The following FCRLB variants were observed in gnomAD, a reference collection of about 807,000 sequenced individuals.
FCRLB encodes Fc receptor-like B.
A neutral mutation model predicts 33.6 loss-of-function variants in FCRLB; 34 were observed. The observed-to-expected ratio is 1.01, with a 90% CI of 0.77 to 1.35. FCRLB has a LOEUF of 1.35. Among genes scored for constraint, FCRLB ranks in the 40% most tolerant of loss-of-function variants. FCRLB has a pLI of 0.00. For synonymous variants in FCRLB, 280 were observed against 255.9 expected (o/e 1.09, Z -0.90); for missense variants, 560 against 580.2 (o/e 0.97, Z 0.36).
At position 161,726,869 on chromosome 1, in the gene FCRLB, C is replaced by T. The variant is rs759599669; in HGVS notation, c.741C>T (p.Asp247=). 1.2e-5 allele frequency: 19 copies of T among 1,581,094 alleles called. No individual in the cohort carries two copies. Among genetic ancestry groups the T allele is most frequent in the Middle Eastern group, 3.9e-4 (2 of 5,186 alleles). ...ACAGCCGCGCGGTGCGCCGCTTCGA[C>T]TGGGGCGCCGAGTACACAGTCCCGG... The change falls in exon 7 of 8, where the codon GAC becomes GAT. Residue 247 remains aspartate, a synonymous_variant. Coordinates refer to ENST00000367948, the Ensembl canonical transcript of FCRLB. The surrounding 1 kb of genome is among the most constrained non-coding windows in gnomAD (Gnocchi z 5.2).
At chr1:161,725,091 G>A (rs1264318524) in intron 5 of FCRLB, among the ~76,000 whole-genome samples, 1 of 152,168 alleles carries the variant, frequency 6.6e-6, no homozygotes, top group African/African-American at 2.4e-5. Context: ...AGAGGAAATG[G>A]GGCAGGAATG....
rs1683570926 is a variant in FCRLB, at chr1:161,726,553, G to A, written c.575-150G>A. On this transcript the variant is annotated intron_variant, in intron 6 of 7. Transcript: ENST00000367948. The surrounding 1 kb of genome is among the most constrained non-coding windows in gnomAD (Gnocchi z 5.2). ...GGTCCCCCTGCCCCACATTTCAGAAGGCTCCCCTTCCCCCTCCACGTGGAC... is the reference window on the plus strand; with the variant it reads ...GGTCCCCCTGCCCCACATTTCAGAAAGCTCCCCTTCCCCCTCCACGTGGAC... 3 of 1,128,264 alleles carry A rather than the reference G, an allele frequency of 2.7e-6. No individual in the cohort carries two copies. The highest frequency in any genetic ancestry group is 1.5e-5 in the African/African-American group (1 of 64,936). 69.9% of individuals were successfully genotyped at this position (1,128,264 alleles called of 1,614,324 possible). A position where few individuals can be genotyped will look rare whatever the true frequency, so the allele number is the denominator to read the frequency against.
chr1:161,726,823 T>G lies in FCRLB; in HGVS notation c.695T>G (p.Leu232Arg). 6.4e-7 allele frequency: 1 copy of G among 1,570,066 alleles called. No homozygotes were observed. Among genetic ancestry groups the G allele is most frequent in the Non-Finnish European group, 8.6e-7 (1 of 1,158,036 alleles). Residue 232 changes from leucine (L) to arginine (R), a missense_variant, in exon 7 of 8, where the codon CTG (leucine) becomes CGG (arginine). By Grantham distance (102) the Leu-to-Arg change is moderately radical. Transcript: ENST00000367948. The surrounding 1 kb of genome is among the most constrained non-coding windows in gnomAD (Gnocchi z 5.2). The stretch of plus-strand genomic sequence containing the variant: ...CACCCGCAGAAGCGCGACACGCCGC[T>G]GCAGTTCGCGTTTTACAAGTACAGC...
In FCRLB at chr1:161,726,386, G is replaced by A; in HGVS notation, c.574+299G>A. The A allele has an allele frequency of 1.4e-6, 1 of 721,162 alleles. No homozygotes were observed. The highest frequency in any genetic ancestry group is 2.5e-6 in the Non-Finnish European group (1 of 404,388). The allele number at this position is 721,162 out of a possible 1,614,324, so 44.7% of individuals were successfully genotyped here. On this transcript the variant is annotated intron_variant, in intron 6 of 7. Transcript: ENST00000367948. This position sits in a 1 kb window ranked among gnomAD's most constrained non-coding sequence, Gnocchi z 5.2. ...CACTGTGGGACTGGGACGAAGGAGC[G>A]ACTCCCTAGCGTCCTGCAAGGCAGG...
At chr1:161,724,045 G>A (rs1683462182) in intron 5 of FCRLB, among the ~76,000 whole-genome samples, 1 of 152,152 alleles carries the variant, frequency 6.6e-6, no homozygotes. Flanking sequence ...ACAGTGTGAT[G>A]CTTCTCTGTG....
chr1:161,722,938 C>T lies in FCRLB; in HGVS notation c.32-51C>T, dbSNP rs761422147. On this transcript the variant is annotated intron_variant, in intron 3 of 7. Coordinates refer to ENST00000367948, the Ensembl canonical transcript of FCRLB. Reference sequence around the variant, plus strand: ...TTGTCGTCAAGAGTCTCTCTCCTCTCATCGCCAATATTCTCCTTCTCCTTC... The same window carrying T: ...TTGTCGTCAAGAGTCTCTCTCCTCTTATCGCCAATATTCTCCTTCTCCTTC... The T allele has an allele frequency of 3.1e-6, 5 of 1,610,984 alleles. No individual in the cohort carries two copies. In the South Asian group the frequency reaches 5.5e-5, roughly 18 times the overall value.
At chr1:161,727,573 C>A in exon 8 of FCRLB, 1 of 1,614,132 alleles carries the variant, frequency 6.2e-7, no homozygotes, top group Non-Finnish European at 8.5e-7. Context: ...GCCACAGGCC[C>A]TCCGGGAGCT....
Position 161,726,938 on chromosome 1 carries a change from T to A in FCRLB, c.810T>A (p.Ala270=). Reference sequence around the variant, plus strand: ...TCGAATCGTACTGGTGCGAGGCGGCTACCGCCACCCGCAGTGTCCGGAAAC... The same window carrying A: ...TCGAATCGTACTGGTGCGAGGCGGCAACCGCCACCCGCAGTGTCCGGAAAC... Residue 270 remains alanine (A), a synonymous_variant, in exon 7 of 8, where the codon GCT becomes GCA. Transcript: ENST00000367948. This position sits in a 1 kb window ranked among gnomAD's most constrained non-coding sequence, Gnocchi z 5.2. 1.7e-5 allele frequency: 27 copies of A among 1,557,772 alleles called. No individual in the cohort carries two copies. Among genetic ancestry groups the A allele is most frequent in the Non-Finnish European group, 2.3e-5 (27 of 1,150,496 alleles).
chr1:161,727,335 GC>G lies in FCRLB; in HGVS notation c.959del (p.Pro320ArgfsTer48). The G allele has an allele frequency of 6.2e-7, 1 of 1,613,726 alleles. No individual in the cohort carries two copies. Among genetic ancestry groups the G allele is most frequent in the Non-Finnish European group, 8.5e-7 (1 of 1,179,808 alleles). Reference sequence around the variant, plus strand: ...GTAATAGGCCGCTTTCCTTCAGAAAGCCCCCGGTGTCCAGATCGGTCCCGTT... The same window carrying G: ...GTAATAGGCCGCTTTCCTTCAGAAAGCCCCGGTGTCCAGATCGGTCCCGTT... On this transcript the variant is annotated frameshift_variant, in exon 8 of 8. Coordinates refer to ENST00000367948, the Ensembl canonical transcript of FCRLB. LOFTEE classifies it low-confidence loss of function (END_TRUNC).
rs1256808105 is a variant in FCRLB, at chr1:161,723,631, C to T, written c.307+10C>T. 4 of 1,611,836 alleles carry T rather than the reference C, an allele frequency of 2.5e-6. No individual in the cohort carries two copies. The highest frequency in any genetic ancestry group is 3.4e-6 in the Non-Finnish European group (4 of 1,178,412). ...CTCTCTGTATCCAATGGTGAGTGGA[C>T]TGAGCACGAGGGGAGGGGGAGCACG... is the stretch of plus-strand genomic sequence containing the variant. On this transcript the variant is annotated intron_variant, in intron 5 of 7. Transcript: ENST00000367948.
In FCRLB at chr1:161,726,576, G is replaced by T. The variant is rs1343401504; in HGVS notation, c.575-127G>T. 1 of 1,318,138 alleles carries T rather than the reference G, an allele frequency of 7.6e-7. No individual in the cohort carries two copies. The highest frequency in any genetic ancestry group is 1.5e-5 in the African/African-American group (1 of 68,716). The allele number at this position is 1,318,138 out of a possible 1,614,324, so 81.7% of individuals were successfully genotyped here. A position where few individuals can be genotyped will look rare whatever the true frequency, so the allele number is the denominator to read the frequency against. ...AAGGCTCCCCTTCCCCCTCCACGTG[G>T]ACACACGGCCTCCTCCCCTCCCCCC... On this transcript the variant is annotated intron_variant, in intron 6 of 7. Coordinates refer to ENST00000367948, the Ensembl canonical transcript of FCRLB. The surrounding 1 kb of genome is among the most constrained non-coding windows in gnomAD (Gnocchi z 5.2).
At position 161,726,857 on chromosome 1, in the gene FCRLB, G is replaced by A. The variant is rs745572241; in HGVS notation, c.729G>A (p.Val243=). The A allele has an allele frequency of 1.3e-6, 2 of 1,575,928 alleles. No homozygotes were observed. Among genetic ancestry groups the A allele is most frequent in the Non-Finnish European group, 1.7e-6 (2 of 1,160,796 alleles). ...CGTTTTACAAGTACAGCCGCGCGGTGCGCCGCTTCGACTGGGGCGCCGAGT... is the reference window on the plus strand; with the variant it reads ...CGTTTTACAAGTACAGCCGCGCGGTACGCCGCTTCGACTGGGGCGCCGAGT... The change falls in exon 7 of 8, where the codon GTG becomes GTA. Residue 243 remains valine (V), a synonymous_variant. Transcript: ENST00000367948. This position sits in a 1 kb window ranked among gnomAD's most constrained non-coding sequence, Gnocchi z 5.2.
At position 161,726,636 on chromosome 1, in the gene FCRLB, A is replaced by G. The variant is rs1202855226; in HGVS notation, c.575-67A>G. 1 of 1,542,522 alleles carries G rather than the reference A, an allele frequency of 6.5e-7. No individual in the cohort carries two copies. The highest frequency in any genetic ancestry group is 8.7e-7 in the Non-Finnish European group (1 of 1,149,966). Reference sequence around the variant, plus strand: ...GGGTCTGCAAGGAGCCCTCGCGGGAAGCAGGAAGGAGCGGGGTCGCGGAGC... The same window carrying G: ...GGGTCTGCAAGGAGCCCTCGCGGGAGGCAGGAAGGAGCGGGGTCGCGGAGC... On this transcript the variant is annotated intron_variant, in intron 6 of 7. Coordinates refer to ENST00000367948, the Ensembl canonical transcript of FCRLB. This position sits in a 1 kb window ranked among gnomAD's most constrained non-coding sequence, Gnocchi z 5.2.
Position 161,723,743 on chromosome 1 carries a change from T to C in FCRLB, c.307+122T>C, listed in dbSNP as rs952710047. On this transcript the variant is annotated intron_variant, in intron 5 of 7. Transcript: ENST00000367948. The stretch of plus-strand genomic sequence containing the variant: ...AGGAAACAAGGGCCACACTGGGGCC[T>C]ATCTTAAGTCTCTGGAGCAGGTAGG... 38 of 1,413,048 alleles carry C rather than the reference T, an allele frequency of 2.7e-5. No homozygotes were observed. The East Asian group carries it at 9.0e-4, about 33-fold the overall frequency. The allele number at this position is 1,413,048 out of a possible 1,614,324, so 87.5% of individuals were successfully genotyped here.
At chr1:161,724,981 A>G (rs867306575) in intron 5 of FCRLB, among the ~76,000 whole-genome samples, 19 of 152,314 alleles carry the variant, frequency 1.2e-4, no homozygotes, top group Middle Eastern at 3.4e-3. Flanking sequence ...CTGAGGAAAT[A>G]GCAGGTACAA....
exon 8 of FCRLB, chr1:161,728,088 G>C (rs563121559): frequency 6.1e-6 from 1 of 162,826 alleles, no homozygotes; most frequent in Admixed American, 5.8e-5. Context: ...TTAAAAAGAC[G>C]TTCAGTCCTA....
chr1:161,727,501 C>T, exon 8 of FCRLB: 1 of 1,614,176 alleles, frequency 6.2e-7, no homozygotes, highest in African/African-American at 1.3e-5. Flanking sequence ...CGTGGACCTT[C>T]TGCTCCGAGA....
chr1:161,725,907 G>A lies in FCRLB; in HGVS notation c.394G>A (p.Val132Ile), dbSNP rs1358014459. The A allele has an allele frequency of 1.5e-5, 25 of 1,614,232 alleles. No individual in the cohort carries two copies. The highest frequency in any genetic ancestry group is 2.0e-5 in the Non-Finnish European group (24 of 1,180,032). Residue 132 changes from valine to isoleucine, a missense_variant, in exon 6 of 8, where the codon GTC (valine) becomes ATC (isoleucine). Physicochemically the swap from Val to Ile is conservative, Grantham distance 29 (BLOSUM62 3). Coordinates refer to ENST00000367948, the Ensembl canonical transcript of FCRLB. ...CTGCCGCGGCTGGTACGACAAGGTG[G>A]TCTACAAGCTTCACTACTACCACGA...
intron 3 of FCRLB, 76 bp downstream of exon 3, chr1:161,722,779 G>C: frequency 6.4e-7 from 1 of 1,562,440 alleles, no homozygotes; most frequent in South Asian, 1.1e-5. Context: ...GGAGAGGAGG[G>C]TGGGTATCCA....
Sources: allele counts gnomAD v4.1 joint callset (sites outside exome capture counted in the v4.1 genomes callset), GRCh38; gene constraint gnomAD v4.1.1; non-coding constraint Gnocchi (gnomAD v3.1); transcripts MANE v1.5; gene names NCBI Gene and HGNC (gene_info 2026-07-23, HGNC 2026-07-21).